The following CFAP61 variants were observed in gnomAD, a reference collection of about 807,000 sequenced individuals.
CFAP61 encodes the protein cilia and flagella associated protein 61, also known as cilia- and flagella-associated protein 61.
A neutral mutation model predicts 135.6 loss-of-function variants in CFAP61; 107 were observed. The observed-to-expected ratio is 0.79, with a 90% confidence interval of 0.67 to 0.93. The LOEUF (loss-of-function observed/expected upper bound fraction) is 0.93. CFAP61 is among the 40% of genes least tolerant of loss of function. CFAP61 has a pLI of 0.00. For synonymous variants in CFAP61, 575 were observed against 578.5 expected, an observed-to-expected ratio of 0.99 and a Z score of 0.09; for missense variants, 1,507 against 1,556.2, an observed-to-expected ratio of 0.97 and a Z score of 0.53.
intron 18 of CFAP61, among the ~76,000 whole-genome samples, chr20:20,231,919 T>C (rs1222520837): frequency 1.3e-5 from 2 of 152,186 alleles, no homozygotes; most frequent in African/African-American, 4.8e-5. Context: ...GTTCTTGTGA[T>C]TGGTGGGTTG....
At chr20:20,111,902 A>AT (rs2048827243) in intron 8 of CFAP61, among the ~76,000 whole-genome samples, 1 of 152,112 alleles carries the variant, frequency 6.6e-6, no homozygotes, top group African/African-American at 2.4e-5. Flanking sequence ...TTTTTTATGA[A>AT]TCCCCCAGCT....
At chr20:20,298,491 C>T in intron 25 of CFAP61, 105 bp downstream of exon 25, 1 of 908,944 alleles carries the variant, frequency 1.1e-6, no homozygotes, top group Non-Finnish European at 1.7e-6. Context: ...AACGGGAATC[C>T]CAGAGAGAGG....
intron 13 of CFAP61, among the ~76,000 whole-genome samples, chr20:20,173,453 G>A (rs1426224266): frequency 1.3e-5 from 2 of 152,170 alleles, no homozygotes; most frequent in Non-Finnish European, 2.9e-5. Flanking sequence ...TGTCATCAGT[G>A]TTTTGGATTT....
At chr20:20,350,609 A>C (rs2058800259) in intron 26 of CFAP61, among the ~76,000 whole-genome samples, 1 of 152,242 alleles carries the variant, frequency 6.6e-6, no homozygotes. Context: ...AACCTGGGTG[A>C]CAGAACAAGA....
At chr20:20,117,360 A>C (rs1278261262) in intron 8 of CFAP61, among the ~76,000 whole-genome samples, 1 of 150,812 alleles carries the variant, frequency 6.6e-6, no homozygotes, top group African/African-American at 2.4e-5. Flanking sequence ...TAAATTAATA[A>C]GTTAAAAATA....
intron 25 of CFAP61, among the ~76,000 whole-genome samples, chr20:20,320,987 G>A (rs2057483436): frequency 6.6e-6 from 1 of 151,234 alleles, no homozygotes; most frequent in South Asian, 2.1e-4. Context: ...GGAACAGTTT[G>A]AAAAAAATTA....
intron 8 of CFAP61, among the ~76,000 whole-genome samples, chr20:20,118,282 TTTCTTTCTTTCTTTCTTTC>T (rs1290870758): frequency 8.3e-5 from 12 of 145,294 alleles, no homozygotes; most frequent in Admixed American, 2.1e-4. Flanking sequence ...TCTTTCTTTC[TTTCTTTCTTTCTTTCTTTC>T]TTTCTTTTCT....
At chr20:20,240,397 G>A (rs975349127) in intron 18 of CFAP61, among the ~76,000 whole-genome samples, 10 of 152,072 alleles carry the variant, frequency 6.6e-5, no homozygotes, top group African/African-American at 2.2e-4. Flanking sequence ...AGCTCCTGGG[G>A]GAGGCCTCCT....
chr20:20,056,661 T>C lies in CFAP61; in HGVS notation c.8T>C (p.Val3Ala), dbSNP rs1443203934. The change falls in exon 2 of 27, where the codon GTA becomes GCA. Residue 3 changes from valine to alanine, a missense_variant. Coordinates refer to ENST00000245957, the MANE Select transcript of CFAP61 (RefSeq NM_015585.4). Reference protein sequence around the residue: MSVLTSPRGKVEV... With the variant: MSALTSPRGKVEV... ...TTGGGGACAGGATAAAAAATGTCAG[T>C]ACTCACTTCTCCAAGAGGAAAGGTA... The C allele has an allele frequency of 1.9e-6, 3 of 1,614,036 alleles. No homozygotes were observed. The highest frequency in any genetic ancestry group is 2.5e-6 in the Non-Finnish European group (3 of 1,180,006).
intron 22 of CFAP61, among the ~76,000 whole-genome samples, chr20:20,285,279 TG>T (rs1226495414): frequency 3.9e-4 from 48 of 124,574 alleles, no homozygotes; most frequent in African/African-American, 1.2e-3. Context: ...AAGCATGGTT[TG>T]TTTTTTTTGT....
chr20:20,183,100 C>CA (rs1414893364), intron 13 of CFAP61, among the ~76,000 whole-genome samples: 8 of 151,092 alleles, frequency 5.3e-5, no homozygotes, highest in East Asian at 1.9e-4. Flanking sequence ...CAGAGTCTGC[C>CA]AAAAAAAGGT....
intron 22 of CFAP61, among the ~76,000 whole-genome samples, chr20:20,287,882 CA>C (rs1184374826): frequency 6.6e-6 from 1 of 152,200 alleles, no homozygotes; most frequent in Non-Finnish European, 1.5e-5. Flanking sequence ...CATGAGAAAG[CA>C]TTGAAATTTG....
chr20:20,111,783 C>G (rs6046630), intron 8 of CFAP61, among the ~76,000 whole-genome samples: 99,858 of 152,050 alleles, frequency 0.66, 32,998 homozygotes, highest in East Asian at 0.83. Flanking sequence ...AAAAGAGAGA[C>G]GGGTTCCTTA....
At chr20:20,060,414 T>C (rs1481033034) in intron 2 of CFAP61, among the ~76,000 whole-genome samples, 1 of 152,156 alleles carries the variant, frequency 6.6e-6, no homozygotes, top group East Asian at 1.9e-4. Context: ...ATGGAAAATA[T>C]ATAGGTAAAT....
At chr20:20,093,213 A>G (rs765444261) in intron 7 of CFAP61, among the ~76,000 whole-genome samples, 8 of 152,214 alleles carry the variant, frequency 5.3e-5, no homozygotes, top group Non-Finnish European at 4.4e-5. Context: ...AGTCAGTCAT[A>G]AAGACCACGT....
In CFAP61 at chr20:20,345,658, T is replaced by A. The variant is rs533935656; in HGVS notation, c.3513+3737T>A. Among the ~76,000 whole-genome samples the A allele has an allele frequency of 2.6e-5, 4 of 152,230 alleles. 1 individual carries two copies. The South Asian group carries it at 8.3e-4, about 32-fold the overall frequency. Reference sequence around the variant, plus strand: ...AACATGGGCCGGGTGCAGTGGCTCATGCTTGTAATCCCAGCACTCTGGGAG... The same window carrying A: ...AACATGGGCCGGGTGCAGTGGCTCAAGCTTGTAATCCCAGCACTCTGGGAG... On this transcript the variant is annotated intron_variant, in intron 26 of 26. Transcript: ENST00000245957.
intron 20 of CFAP61, among the ~76,000 whole-genome samples, chr20:20,257,647 G>GAA (rs2051745521): frequency 6.8e-6 from 1 of 147,238 alleles, no homozygotes; most frequent in Non-Finnish European, 1.5e-5. Flanking sequence ...AAAAGAAAAA[G>GAA]AAAGAAAGAA....
intron 9 of CFAP61, among the ~76,000 whole-genome samples, chr20:20,155,535 T>A (rs1021288822): frequency 6.6e-6 from 1 of 152,146 alleles, no homozygotes. Flanking sequence ...AAAGAACTAG[T>A]ATCCAGAATC....
At chr20:20,330,695 A>G (rs6075645) in intron 25 of CFAP61, among the ~76,000 whole-genome samples, 69,314 of 151,966 alleles carry the variant, frequency 0.46, 15,907 homozygotes, top group East Asian at 0.54. Flanking sequence ...CTCCTGGACC[A>G]GACCATGGGG....
Sources: allele counts gnomAD v4.1 joint callset (sites outside exome capture counted in the v4.1 genomes callset), GRCh38; gene constraint gnomAD v4.1.1; transcripts MANE v1.5; gene names NCBI Gene and HGNC (gene_info 2026-07-23, HGNC 2026-07-21).